Variants in COMMD10 observed in about 807,000 individuals in gnomAD.
COMMD10 encodes COMM domain containing 10.
A neutral mutation model predicts 28.9 loss-of-function variants in COMMD10; 33 were observed. The observed-to-expected ratio is 1.14, with a 90% CI of 0.87 to 1.53. The LOEUF (loss-of-function observed/expected upper bound fraction) is 1.53, where lower values mean the gene tolerates loss of function less well. Ranked by LOEUF, COMMD10 falls within the 40% of genes most tolerant of loss-of-function variation. The pLI is 0.00. For synonymous variants in COMMD10, 110 were observed against 81.7 expected, an observed-to-expected ratio of 1.35 and a Z score of -1.87; for missense variants, 310 against 233.4, an observed-to-expected ratio of 1.33 and a Z score of -2.14.
intron 5 of COMMD10, among the ~76,000 whole-genome samples, chr5:116,137,825 G>A (rs1031677289): frequency 1.3e-5 from 2 of 151,932 alleles, no homozygotes; most frequent in African/African-American, 4.8e-5. Context: ...AAAACTAGGT[G>A]ATTGTAGCTT....
rs146608183 is a variant in COMMD10 at position 116,179,117 on chromosome 5, C to A, written c.510+44939C>A. Among the ~76,000 whole-genome samples the A allele has an allele frequency of 5.8e-3, 882 of 152,126 alleles. 9 individuals are homozygous for A. The highest frequency in any genetic ancestry group is 0.02 in the African/African-American group (841 of 41,494). On this transcript the variant is annotated intron_variant, in intron 5 of 6. Coordinates refer to ENST00000274458, the MANE Select transcript of COMMD10 (RefSeq NM_016144.4). Reference sequence around the variant, plus strand: ...TTATGTTATCAAACACTGTGTCATGCTTGCTGAGTTTGCAAAAATGTAAAA... The same window carrying A: ...TTATGTTATCAAACACTGTGTCATGATTGCTGAGTTTGCAAAAATGTAAAA...
chr5:116,203,182 T>G (rs978306518), intron 5 of COMMD10, among the ~76,000 whole-genome samples: 3 of 151,814 alleles, frequency 2.0e-5, no homozygotes, highest in Non-Finnish European at 4.4e-5. Flanking sequence ...AGAAGGAAAG[T>G]TTAGAGAAAA....
chr5:116,286,513 C>A (rs1332500722), intron 5 of COMMD10, among the ~76,000 whole-genome samples: 1 of 151,164 alleles, frequency 6.6e-6, no homozygotes, highest in South Asian at 2.1e-4. Flanking sequence ...AAACTTAACC[C>A]TTTAACACTA....
intron 5 of COMMD10, among the ~76,000 whole-genome samples, chr5:116,272,681 T>C (rs927165178): frequency 6.6e-6 from 1 of 151,852 alleles, no homozygotes; most frequent in Non-Finnish European, 1.5e-5. Context: ...CTTCGGAATC[T>C]TTATCCCACT....
chr5:116,155,535 TAAAC>T (rs911701023), intron 5 of COMMD10, among the ~76,000 whole-genome samples: 10 of 152,230 alleles, frequency 6.6e-5, no homozygotes, highest in African/African-American at 1.7e-4. Context: ...ATTTTGTAGA[TAAAC>T]AGACATCCTG....
chr5:116,103,654 C>T (rs182324391), intron 4 of COMMD10, among the ~76,000 whole-genome samples: 68 of 152,292 alleles, frequency 4.5e-4, no homozygotes, highest in African/African-American at 1.6e-3. Context: ...GGCAGAAGCC[C>T]TTCAGTTTAA....
intron 5 of COMMD10, among the ~76,000 whole-genome samples, chr5:116,171,450 C>T (rs1446507671): frequency 6.6e-6 from 1 of 152,096 alleles, no homozygotes; most frequent in Non-Finnish European, 1.5e-5. Context: ...ACCAGAAATA[C>T]CATTTGATAC....
chr5:116,210,895 G>A (rs1385085716), intron 5 of COMMD10, among the ~76,000 whole-genome samples: 2 of 151,864 alleles, frequency 1.3e-5, no homozygotes, highest in Admixed American at 6.6e-5. Flanking sequence ...AAAATTTTTT[G>A]CTTTGCCTAT....
In COMMD10 at chr5:116,292,653, T is replaced by C; in HGVS notation, c.*164T>C. The C allele has an allele frequency of 2.1e-6, 1 of 469,600 alleles. No individual in the cohort carries two copies. Among genetic ancestry groups the C allele is most frequent in the East Asian group, 3.2e-5 (1 of 31,564 alleles). 29.1% of individuals were successfully genotyped at this position (469,600 alleles called of 1,614,324 possible). A position where few individuals can be genotyped will look rare whatever the true frequency, so the allele number is the denominator to read the frequency against. On this transcript the variant is annotated 3_prime_UTR_variant, in exon 7 of 7. Coordinates refer to ENST00000274458, the MANE Select transcript of COMMD10 (RefSeq NM_016144.4). ...AATAACAACCAATAGAGATCATTGTTAAGAATACTGAGGTTCTAATATACT... is the reference window on the plus strand; with the variant it reads ...AATAACAACCAATAGAGATCATTGTCAAGAATACTGAGGTTCTAATATACT...
At chr5:116,279,866 C>A (rs999670822) in intron 5 of COMMD10, among the ~76,000 whole-genome samples, 7 of 151,556 alleles carry the variant, frequency 4.6e-5, no homozygotes, top group Admixed American at 1.3e-4. Flanking sequence ...AGTGTGACAC[C>A]CCATCCGCTA....
At chr5:116,099,779 C>T (rs1303091928) in intron 4 of COMMD10, among the ~76,000 whole-genome samples, 1 of 151,892 alleles carries the variant, frequency 6.6e-6, no homozygotes, top group Non-Finnish European at 1.5e-5. Flanking sequence ...TTCCTTTGTC[C>T]AGTTTTTAAA....
intron 4 of COMMD10, among the ~76,000 whole-genome samples, chr5:116,130,779 G>C (rs1751838794): frequency 6.6e-6 from 1 of 151,970 alleles, no homozygotes; most frequent in Admixed American, 6.6e-5. Context: ...TAGCCTTTGT[G>C]TACCTATCTC....
intron 5 of COMMD10, among the ~76,000 whole-genome samples, chr5:116,177,877 C>G (rs562963498): frequency 6.6e-6 from 1 of 151,900 alleles, no homozygotes; most frequent in Non-Finnish European, 1.5e-5. Flanking sequence ...CATATTTTTC[C>G]TTTTGGAATT....
chr5:116,290,359 T>C (rs942154139), intron 5 of COMMD10, among the ~76,000 whole-genome samples: 5 of 144,058 alleles, frequency 3.5e-5, no homozygotes, highest in African/African-American at 1.4e-4. Flanking sequence ...ACTTCTTTTT[T>C]CATTTTAAAG....
intron 5 of COMMD10, among the ~76,000 whole-genome samples, chr5:116,207,904 T>A (rs1173105799): frequency 6.6e-6 from 1 of 152,210 alleles, no homozygotes; most frequent in Non-Finnish European, 1.5e-5. Flanking sequence ...AATGAGAGAC[T>A]ACTATGGGTA....
intron 5 of COMMD10, among the ~76,000 whole-genome samples, chr5:116,278,803 C>A (rs1295985406): frequency 6.6e-6 from 1 of 151,764 alleles, no homozygotes; most frequent in Non-Finnish European, 1.5e-5. Flanking sequence ...CCTTTTTAAG[C>A]TAACTACAGA....
In COMMD10 at chr5:116,104,054, C is replaced by T. The variant is rs147906950; in HGVS notation, c.399+11354C>T. On this transcript the variant is annotated intron_variant, in intron 4 of 6. Coordinates refer to ENST00000274458, the MANE Select transcript of COMMD10 (RefSeq NM_016144.4). ...TACACTGTTTTGGTTACTGTAGCCT[C>T]GTAGTGTAGTTTGAAGTCAGGTAGC... 2.0e-3 allele frequency among the ~76,000 whole-genome samples: 300 copies of T among 152,176 alleles called. 2 individuals are homozygous for T. Among genetic ancestry groups the T allele is most frequent in the African/African-American group, 6.6e-3 (273 of 41,522 alleles).
In COMMD10 at chr5:116,103,486, A is replaced by G. The variant is rs552193220; in HGVS notation, c.399+10786A>G. ...GTCTTCTTTTGAGAAGTGTCTGTTC[A>G]TATCCTTTGCCCACTTTTTGATGGG... On this transcript the variant is annotated intron_variant, in intron 4 of 6. Transcript: ENST00000274458. 2.3e-4 allele frequency among the ~76,000 whole-genome samples: 35 copies of G among 152,242 alleles called. 1 individual carries two copies. In the East Asian group the frequency reaches 5.2e-3, roughly 23 times the overall value.
intron 4 of COMMD10, among the ~76,000 whole-genome samples, chr5:116,113,671 C>G (rs2112740693): frequency 6.6e-6 from 1 of 152,034 alleles, no homozygotes; most frequent in East Asian, 1.9e-4. Flanking sequence ...TGGTAAATTT[C>G]TCATTCATAT....
Sources: allele counts gnomAD v4.1 joint callset (sites outside exome capture counted in the v4.1 genomes callset), GRCh38; gene constraint gnomAD v4.1.1; transcripts MANE v1.5; gene names NCBI Gene and HGNC (gene_info 2026-07-23, HGNC 2026-07-21).